The following MON2 variants were observed in gnomAD, a reference collection of about 807,000 sequenced individuals.
MON2 encodes protein MON2 homolog.
A neutral mutation model predicts 208.6 loss-of-function variants in MON2; 84 were observed. The ratio of observed to expected loss-of-function variants is 0.40; its 90% CI spans 0.34 to 0.48. The LOEUF (loss-of-function observed/expected upper bound fraction) is 0.48. Ranked by LOEUF, MON2 falls within the 20% of genes least tolerant of loss-of-function variation. The pLI is 0.59. For synonymous variants in MON2, 660 were observed against 694.0 expected (o/e 0.95, Z 0.77); for missense variants, 1,611 against 2,015.4 (o/e 0.80, Z 3.84).
chr12:62,568,180 A>G (rs2074454124), intron 29 of MON2, among the ~76,000 whole-genome samples: 1 of 152,204 alleles, frequency 6.6e-6, no homozygotes, highest in Non-Finnish European at 1.5e-5. Flanking sequence ...GCCGTGTTAA[A>G]GATCATGGTA....
intron 2 of MON2, among the ~76,000 whole-genome samples, chr12:62,487,078 A>T (rs1318258902): frequency 6.6e-6 from 1 of 151,936 alleles, no homozygotes; most frequent in African/African-American, 2.4e-5. Flanking sequence ...CTTTGTTTTC[A>T]CTGCTGTCAT....
At chr12:62,480,134 T>A (rs374501407) in intron 1 of MON2, among the ~76,000 whole-genome samples, 1 of 152,214 alleles carries the variant, frequency 6.6e-6, no homozygotes, top group Non-Finnish European at 1.5e-5. Flanking sequence ...GAAACTTGTA[T>A]GTTAAAAATG....
At chr12:62,482,488 A>C (rs577443332) in intron 1 of MON2, 1 of 152,362 alleles carries the variant, frequency 6.6e-6, no homozygotes, top group South Asian at 2.1e-4. Context: ...GTAAGAGATA[A>C]AATAAATGAC....
Position 62,494,033 on chromosome 12 carries a change from C to T in MON2, c.294C>T (p.Val98=), listed in dbSNP as rs138944932. 7.4e-6 allele frequency: 12 copies of T among 1,611,724 alleles called. No homozygotes were observed. Among genetic ancestry groups the T allele is most frequent in the African/African-American group, 2.7e-5 (2 of 74,918 alleles). ...AAIQRLMSHE[V]VSETAAGNII... is the part of the protein sequence containing the mutation. ...TTCAGAGACTCATGTCACATGAAGT[C>T]GTGTCTGAGGTAATATGAAGATTTT... is the stretch of plus-strand genomic sequence containing the variant. The change falls in exon 3 of 35, where the codon GTC becomes GTT. Residue 98 remains valine, a synonymous_variant. Transcript: ENST00000393630.
chr12:62,580,255 T>A, intron 31 of MON2, 42 bp from the exon 32 acceptor site: 1 of 1,577,228 alleles, frequency 6.3e-7, no homozygotes, highest in South Asian at 1.2e-5. Context: ...TTAGTCTCTT[T>A]CAAAGAAAAC....
At chr12:62,543,311 T>C in intron 20 of MON2, 113 bp downstream of exon 20, 1 of 506,194 alleles carries the variant, frequency 2.0e-6, no homozygotes, top group African/African-American at 2.0e-5. Context: ...CCCCCTTTCC[T>C]GACTGTGTAC....
intron 30 of MON2, among the ~76,000 whole-genome samples, chr12:62,573,315 T>G (rs143517498): frequency 6.6e-6 from 1 of 152,112 alleles, no homozygotes; most frequent in Non-Finnish European, 1.5e-5. Context: ...GTTGAGAAAT[T>G]TACATTTTTC....
Position 62,534,901 on chromosome 12 carries a change from G to T in MON2, c.1690G>T (p.Ala564Ser). The T allele has an allele frequency of 6.2e-7, 1 of 1,611,488 alleles. No homozygotes were observed. The highest frequency in any genetic ancestry group is 8.5e-7 in the Non-Finnish European group (1 of 1,178,546). The change falls in exon 13 of 35, where the codon GCA becomes TCA. Residue 564 changes from alanine to serine, a missense_variant. Coordinates refer to ENST00000393630, the MANE Select transcript of MON2 (RefSeq NM_015026.3). The stretch of plus-strand genomic sequence containing the variant: ...TGCCTGCTGGTGTGGTCTTCTTGCT[G>T]CACTCTCACTCCTTCTTGATGCCAG... Reference protein sequence around the residue: ...VNACWCGLLAALSLLLDASTD... With the variant: ...VNACWCGLLASLSLLLDASTD...
In MON2 at chr12:62,535,718, G is replaced by A; in HGVS notation, c.1900+9G>A. 1 of 1,597,430 alleles carries A rather than the reference G, an allele frequency of 6.3e-7. No individual in the cohort carries two copies. The highest frequency in any genetic ancestry group is 8.5e-7 in the Non-Finnish European group (1 of 1,170,808). On this transcript the variant is annotated intron_variant, in intron 14 of 34. Coordinates refer to ENST00000393630, the MANE Select transcript of MON2 (RefSeq NM_015026.3). ...TACACTTTCCAACAAATGTAAGACA[G>A]GCTTACTCAAAATTCTCTCTATGTA... is the stretch of plus-strand genomic sequence containing the variant.
In MON2 at chr12:62,547,042, G is replaced by A; in HGVS notation, c.2723G>A (p.Gly908Glu). ...SLGPGWPLVL[G>E]VMGAIRNDQG... The stretch of plus-strand genomic sequence containing the variant: ...GGGCCTGGATGGCCATTAGTGCTTG[G>A]AGTCATGGGAGCAATCAGAAATGAT... The change falls in exon 22 of 35, where the codon GGA becomes GAA. Residue 908 changes from glycine (G) to glutamate (E), a missense_variant. Transcript: ENST00000393630. The A allele has an allele frequency of 1.3e-6, 2 of 1,596,994 alleles. No homozygotes were observed. The highest frequency in any genetic ancestry group is 1.1e-5 in the South Asian group (1 of 88,348).
intron 26 of MON2, among the ~76,000 whole-genome samples, chr12:62,562,033 C>G (rs932826879): frequency 6.6e-6 from 1 of 152,084 alleles, no homozygotes; most frequent in Non-Finnish European, 1.5e-5. Flanking sequence ...AAAAAAGAAT[C>G]TGGCATTTAA....
chr12:62,531,240 AT>A (rs2072625226), intron 11 of MON2, among the ~76,000 whole-genome samples: 1 of 151,878 alleles, frequency 6.6e-6, no homozygotes, highest in South Asian at 2.1e-4. Flanking sequence ...TAATTTATCA[AT>A]TTTTTCCTTT....
intron 5 of MON2, among the ~76,000 whole-genome samples, chr12:62,500,545 A>G (rs1267651000): frequency 6.6e-6 from 1 of 152,206 alleles, no homozygotes; most frequent in East Asian, 1.9e-4. Flanking sequence ...AAAGATACCC[A>G]GCTTATTAGA....
At chr12:62,571,369 T>A (rs2270732) in intron 29 of MON2, 23 bp from the exon 30 acceptor site, 2 of 1,484,256 alleles carry the variant, frequency 1.3e-6, no homozygotes, top group Non-Finnish European at 9.1e-7. Context: ...TTAATGCTTA[T>A]ATTAAACTGT....
chr12:62,592,694 C>G lies in MON2; in HGVS notation c.5099C>G (p.Pro1700Arg). ...TCTGCACTTAAAGAGGCACTAGTTC[C>G]TTTTAAGGATTTCATGCAGCCACCA... ...VCSALKEALV[P>R]FKDFMQPPAS... The change falls in exon 35 of 35, where the codon CCT becomes CGT. Residue 1700 changes from proline to arginine, a missense_variant. Transcript: ENST00000393630. 6.2e-7 allele frequency: 1 copy of G among 1,607,836 alleles called. No homozygotes were observed. Among genetic ancestry groups the G allele is most frequent in the Admixed American group, 1.7e-5 (1 of 59,980 alleles).
At chr12:62,541,969 T>G (rs1043188869) in intron 19 of MON2, among the ~76,000 whole-genome samples, 6 of 152,176 alleles carry the variant, frequency 3.9e-5, no homozygotes, top group African/African-American at 1.4e-4. Flanking sequence ...TATCTTCATT[T>G]TTTAGGTTTA....
At position 62,543,201 on chromosome 12, in the gene MON2, A is replaced by G. The variant is rs772215711; in HGVS notation, c.2466+3A>G. The G allele has an allele frequency of 7.6e-6, 11 of 1,455,390 alleles. No individual in the cohort carries two copies. The highest frequency in any genetic ancestry group is 1.0e-5 in the Non-Finnish European group (11 of 1,078,104). 90.2% of individuals were successfully genotyped at this position (1,455,390 alleles called of 1,614,324 possible). A position where few individuals can be genotyped will look rare whatever the true frequency, so the allele number is the denominator to read the frequency against. On this transcript the variant is annotated splice_donor_region_variant and intron_variant, in intron 20 of 34. Transcript: ENST00000393630. The stretch of plus-strand genomic sequence containing the variant: ...CTCTGACTGGCCATCTACTTGAGGT[A>G]AATTCTCTTTCTTAAATATATTTAA...
chr12:62,592,538 T>C (rs2075429278), intron 34 of MON2, 48 bp from the exon 35 acceptor site: 2 of 1,441,144 alleles, frequency 1.4e-6, no homozygotes, highest in African/African-American at 2.8e-5. Context: ...AATTGAATAA[T>C]CTCTATTTAA....
chr12:62,591,806 A>G (rs1396132536), intron 34 of MON2, among the ~76,000 whole-genome samples: 1 of 152,166 alleles, frequency 6.6e-6, no homozygotes, highest in African/African-American at 2.4e-5. Context: ...TACACATAGT[A>G]TTTATTTTTC....
Sources: allele counts gnomAD v4.1 joint callset (sites outside exome capture counted in the v4.1 genomes callset), GRCh38; gene constraint gnomAD v4.1.1; transcripts MANE v1.5; gene names NCBI Gene and HGNC (gene_info 2026-07-23, HGNC 2026-07-21).